Variants in ZNF283 observed in about 807,000 individuals in gnomAD.
The protein encoded by ZNF283 is zinc finger protein 41.
A neutral mutation model predicts 9.2 loss-of-function variants in ZNF283; 10 were observed. The ratio of observed to expected loss-of-function variants is 1.09; its 90% confidence interval spans 0.67 to 1.85. The LOEUF is 1.85. Ranked by LOEUF, ZNF283 falls within the 40% of genes most tolerant of loss-of-function variation. The pLI, the probability that ZNF283 is intolerant of heterozygous loss-of-function variation, is 0.00. For missense variants in ZNF283, 631 were observed against 760.1 expected, an observed-to-expected ratio of 0.83 and a Z score of 2.00; for synonymous variants, 234 against 244.1, an observed-to-expected ratio of 0.96 and a Z score of 0.38.
intron 3 of ZNF283, 104 bp downstream of exon 3, chr19:43,831,485 A>G: frequency 1.1e-6 from 1 of 945,702 alleles, no homozygotes; most frequent in South Asian, 1.5e-5. Flanking sequence ...AGTTTTTTAC[A>G]TTTGGAAATG....
chr19:43,834,593 TTTTA>T (rs753083158), intron 4 of ZNF283, among the ~76,000 whole-genome samples: 1 of 151,380 alleles, frequency 6.6e-6, no homozygotes, highest in African/African-American at 2.4e-5. Context: ...TTATTTTTTA[TTTTA>T]TTTATTTATT....
intron 6 of ZNF283, among the ~76,000 whole-genome samples, chr19:43,843,766 T>C (rs1240992491): frequency 1.3e-5 from 2 of 152,194 alleles, no homozygotes; most frequent in African/African-American, 4.8e-5. Context: ...CAATGTAACA[T>C]AGTATGAAAA....
intron 3 of ZNF283, among the ~76,000 whole-genome samples, chr19:43,832,422 A>G (rs978464936): frequency 6.6e-6 from 1 of 152,238 alleles, no homozygotes; most frequent in Non-Finnish European, 1.5e-5. Context: ...CCTTTGGTTA[A>G]GTTCTCAGCT....
At chr19:43,846,892 T>TTTC in intron 6 of ZNF283, 47 bp from the exon 7 acceptor site, 1 of 1,192,330 alleles carries the variant, frequency 8.4e-7, no homozygotes, top group East Asian at 3.0e-5. Flanking sequence ...TTTTTTTTTT[T>TTTC]CCCTAGTGAA....
intron 1 of ZNF283, chr19:43,827,708 T>C (rs1281374484): frequency 6.6e-6 from 1 of 152,376 alleles, no homozygotes; most frequent in Non-Finnish European, 1.5e-5. Context: ...CAGTTGTGAA[T>C]GTGTGACGGG....
Position 43,837,153 on chromosome 19 carries a change from A to T in ZNF283, c.311A>T (p.Glu104Val), listed in dbSNP as rs201943823. 4.3e-6 allele frequency: 7 copies of T among 1,612,372 alleles called. No individual in the cohort carries two copies. In the South Asian group the frequency reaches 7.7e-5, roughly 18 times the overall value. Reference sequence around the variant, plus strand: ...GACTTGTACGTGGATGTAATGTTGGAGAACTATAGTAACTTGGTGTCACTG... The same window carrying T: ...GACTTGTACGTGGATGTAATGTTGGTGAACTATAGTAACTTGGTGTCACTG... ...QRDLYVDVMLENYSNLVSLDL... is the reference protein window; with the variant it reads ...QRDLYVDVMLVNYSNLVSLDL... The change falls in exon 6 of 7, where the codon GAG (glutamate) becomes GTG (valine). Residue 104 changes from glutamate to valine, a missense_variant. Transcript: ENST00000618787.
rs1351129452 is a variant in ZNF283 at position 43,847,412 on chromosome 19, A to G, written c.811A>G (p.Thr271Ala). 1 of 1,613,048 alleles carries G rather than the reference A, an allele frequency of 6.2e-7. No homozygotes were observed. The highest frequency in any genetic ancestry group is 8.5e-7 in the Non-Finnish European group (1 of 1,179,672). Residue 271 changes from threonine (T) to alanine (A), a missense_variant, in exon 7 of 7, where the codon ACC becomes GCC. This residue lies in a region of ZNF283 where 444 missense variants were observed against 522.5 expected (regional missense o/e 0.85). Transcript: ENST00000618787. ...KPYECKECGK[T>A]FSWGSSLVKH... ...CTATGAGTGTAAGGAATGTGGGAAG[A>G]CCTTTAGCTGGGGATCAAGCCTTGT...
At chr19:43,827,894 G>A (rs992576638) in intron 1 of ZNF283, 1 of 152,242 alleles carries the variant, frequency 6.6e-6, no homozygotes, top group African/African-American at 2.4e-5. Flanking sequence ...ATCTGGAAGT[G>A]TCCGCGGGAC....
chr19:43,842,494 G>C (rs1173148497), intron 6 of ZNF283, among the ~76,000 whole-genome samples: 3 of 152,120 alleles, frequency 2.0e-5, no homozygotes, highest in Admixed American at 1.3e-4. Context: ...CAGGCAAGCA[G>C]TTAAATTAAT....
Position 43,835,502 on chromosome 19 carries a change from C to G in ZNF283, c.123-3C>G. 1 of 1,606,618 alleles carries G rather than the reference C, an allele frequency of 6.2e-7. No individual in the cohort carries two copies. Among genetic ancestry groups the G allele is most frequent in the Non-Finnish European group, 8.5e-7 (1 of 1,175,562 alleles). Reference sequence around the variant, plus strand: ...GGTTTAACGCTTCGTTTTCCCTCCCCAGTTCTGGCTTTTCTGGATTCTGTG... The same window carrying G: ...GGTTTAACGCTTCGTTTTCCCTCCCGAGTTCTGGCTTTTCTGGATTCTGTG... On this transcript the variant is annotated splice_polypyrimidine_tract_variant and splice_region_variant and intron_variant, in intron 4 of 6. Transcript: ENST00000618787.
rs1971532606 is a variant in ZNF283, at chr19:43,848,784, G to A, written c.*143G>A. On this transcript the variant is annotated 3_prime_UTR_variant, in exon 7 of 7. Coordinates refer to ENST00000618787, the MANE Select transcript of ZNF283 (RefSeq NM_181845.2). ...TTATGGGCAATTATCTTGCTATCCAGCAATTCATACTAGTGAGAAATATTT... is the reference window on the plus strand; with the variant it reads ...TTATGGGCAATTATCTTGCTATCCAACAATTCATACTAGTGAGAAATATTT... The A allele has an allele frequency of 1.4e-6, 1 of 736,314 alleles. No homozygotes were observed. Among genetic ancestry groups the A allele is most frequent in the Admixed American group, 3.3e-5 (1 of 30,670 alleles). The allele number at this position is 736,314 out of a possible 1,614,324, so 45.6% of individuals were successfully genotyped here.
At chr19:43,835,257 T>G (rs564118523) in intron 4 of ZNF283, among the ~76,000 whole-genome samples, 36 of 152,266 alleles carry the variant, frequency 2.4e-4, no homozygotes, top group Non-Finnish European at 3.7e-4. Flanking sequence ...GGAAGGAGGA[T>G]GATCTGATTT....
At position 43,831,752 on chromosome 19, in the gene ZNF283, A is replaced by AAGGT. The variant is rs556987647; in HGVS notation, c.-1+374_-1+377dup. The stretch of plus-strand genomic sequence containing the variant: ...CAAGCGATCCTCCCACCTCAGAGGG[A>AAGGT]AGGTAGCTGGGACCACAGGTGTGTG... On this transcript the variant is annotated intron_variant, in intron 3 of 6. Coordinates refer to ENST00000618787, the MANE Select transcript of ZNF283 (RefSeq NM_181845.2). Among the ~76,000 whole-genome samples the AAGGT allele has an allele frequency of 3.7e-3, 570 of 152,116 alleles. 1 individual carries two copies. Among genetic ancestry groups the AAGGT allele is most frequent in the African/African-American group, 0.013 (551 of 41,514 alleles).
chr19:43,831,501 A>T, intron 3 of ZNF283, 120 bp downstream of exon 3: 1 of 821,294 alleles, frequency 1.2e-6, no homozygotes, highest in Non-Finnish European at 1.9e-6. Context: ...AAATGTCTTT[A>T]TAGTTCCAAT....
At chr19:43,834,745 G>A (rs1970886102) in intron 4 of ZNF283, among the ~76,000 whole-genome samples, 1 of 151,876 alleles carries the variant, frequency 6.6e-6, no homozygotes, top group Non-Finnish European at 1.5e-5. Flanking sequence ...ACAGGCGCCT[G>A]CCACCACGCC....
Position 43,847,306 on chromosome 19 carries a change from T to C in ZNF283, c.705T>C (p.Phe235=), listed in dbSNP as rs1971440633. Residue 235 remains phenylalanine, a synonymous_variant, in exon 7 of 7, where the codon TTT becomes TTC. Transcript: ENST00000618787. ...GAACTCATACAGCTGAAAAACACTT[T>C]GAATGTAAAGAATGTGGGAAGAATT... is the stretch of plus-strand genomic sequence containing the variant. ...HERTHTAEKH[F]ECKECGKNYL... is the part of the protein sequence containing the mutation. 1 of 1,613,832 alleles carries C rather than the reference T, an allele frequency of 6.2e-7. No homozygotes were observed. The highest frequency in any genetic ancestry group is 1.3e-5 in the African/African-American group (1 of 74,984).
intron 3 of ZNF283, among the ~76,000 whole-genome samples, chr19:43,832,825 G>A (rs1418207764): frequency 6.6e-6 from 1 of 151,960 alleles, no homozygotes; most frequent in Non-Finnish European, 1.5e-5. Context: ...AGACCAGCCT[G>A]GACAACACAG....
chr19:43,828,783 A>G (rs1970581539), intron 2 of ZNF283, among the ~76,000 whole-genome samples: 1 of 152,142 alleles, frequency 6.6e-6, no homozygotes, highest in African/African-American at 2.4e-5. Flanking sequence ...GGCGTCCCAA[A>G]GTGCTGGGAC....
intron 6 of ZNF283, among the ~76,000 whole-genome samples, chr19:43,838,603 T>G (rs1027882338): frequency 6.6e-6 from 1 of 152,234 alleles, no homozygotes; most frequent in African/African-American, 2.4e-5. Context: ...CACTCCAGCC[T>G]GGGTGACACA....
Sources: allele counts gnomAD v4.1 joint callset (sites outside exome capture counted in the v4.1 genomes callset), GRCh38; gene constraint gnomAD v4.1.1; regional missense constraint gnomAD v4.1.1; transcripts MANE v1.5; gene names NCBI Gene and HGNC (gene_info 2026-07-23, HGNC 2026-07-21).